Variants in ARHGAP28 observed in about 807,000 individuals in gnomAD.
ARHGAP28 encodes Rho GTPase activating protein 28.
In ARHGAP28, 56 loss-of-function variants were observed where a neutral mutation model predicts 90.7. The observed-to-expected ratio is 0.62, with a 90% CI of 0.50 to 0.77. The LOEUF (loss-of-function observed/expected upper bound fraction) is 0.77. Among genes scored for constraint, ARHGAP28 ranks in the 30% least tolerant of loss-of-function variants. The pLI is 0.00. For missense variants in ARHGAP28, 869 were observed against 900.9 expected, an observed-to-expected ratio of 0.96 and a Z score of 0.45; for synonymous variants, 308 against 323.3, an observed-to-expected ratio of 0.95 and a Z score of 0.51.
rs1307386459 is a variant in ARHGAP28, at chr18:6,914,373, T to A, written c.*2219T>A. ...AACTTTCAACTTCCATACGTATATA[T>A]GTATGTATGGAAGGCCATGTCAATA... is the stretch of plus-strand genomic sequence containing the variant. On this transcript the variant is annotated 3_prime_UTR_variant, in exon 18 of 18. Transcript: ENST00000383472. The A allele has an allele frequency of 6.6e-6, 1 of 152,190 alleles. No homozygotes were observed. Among genetic ancestry groups the A allele is most frequent in the Non-Finnish European group, 1.5e-5 (1 of 68,020 alleles). The allele number at this position is 152,190 out of a possible 1,614,324, so 9.4% of individuals were successfully genotyped here.
chr18:6,783,264 C>T (rs1201779448), intron 1 of ARHGAP28, among the ~76,000 whole-genome samples: 2 of 151,952 alleles, frequency 1.3e-5, no homozygotes, highest in Non-Finnish European at 2.9e-5. Context: ...TGTCGCCCCC[C>T]TCGAGAAGTC....
At chr18:6,902,707 G>C (rs1245745497) in intron 16 of ARHGAP28, among the ~76,000 whole-genome samples, 1 of 152,142 alleles carries the variant, frequency 6.6e-6, no homozygotes, top group Non-Finnish European at 1.5e-5. Flanking sequence ...GTGCACCACT[G>C]GTGGGAAGTG....
chr18:6,841,208 C>CCTCTCTCTCTCTCT lies in ARHGAP28; in HGVS notation c.543+3796_543+3809dup, dbSNP rs369622522. On this transcript the variant is annotated intron_variant, in intron 3 of 17. Transcript: ENST00000383472. ...CTCTCTCTCTCTCTCTCTCTCCTCT[C>CCTCTCTCTCTCTCT]CTCTCTCTCTCTCTCCCCCCAACCC... Among the ~76,000 whole-genome samples, 312 of 43,108 alleles carry CCTCTCTCTCTCTCT rather than the reference C, an allele frequency of 7.2e-3. 5 individuals are homozygous for CCTCTCTCTCTCTCT. The highest frequency in any genetic ancestry group is 0.017 in the Admixed American group (58 of 3,486). 28.3% of individuals were successfully genotyped at this position (43,108 alleles called of 152,430 possible).
In ARHGAP28 at chr18:6,870,690, A is replaced by G. The variant is rs567296702; in HGVS notation, c.912A>G (p.Lys304=). The G allele has an allele frequency of 3.7e-6, 6 of 1,611,654 alleles. No homozygotes were observed. In the South Asian group the frequency reaches 6.6e-5, roughly 18 times the overall value. The change falls in exon 7 of 18, where the codon AAA becomes AAG. Residue 304 remains lysine, a synonymous_variant. Transcript: ENST00000383472. ...EMVTEALKRN[K]LKKSEIKKED... is the part of the protein sequence containing the mutation. ...TTACGGAGGCTCTAAAAAGAAATAA[A>G]CTTAAGAAATCAGAGATTAAGAAAG...
intron 9 of ARHGAP28, 70 bp from the exon 10 acceptor site, chr18:6,876,061 A>G (rs1286325345): frequency 5.7e-6 from 7 of 1,219,430 alleles, no homozygotes; most frequent in South Asian, 4.9e-5. Flanking sequence ...TCATGTCATC[A>G]TTGTTACTGT....
At chr18:6,827,289 C>T (rs1471885401) in intron 2 of ARHGAP28, among the ~76,000 whole-genome samples, 4 of 150,246 alleles carry the variant, frequency 2.7e-5, no homozygotes, top group East Asian at 4.0e-4. Context: ...CCTCACCTCC[C>T]GGACGGGGCG....
intron 4 of ARHGAP28, among the ~76,000 whole-genome samples, chr18:6,859,155 G>T (rs1402430476): frequency 6.6e-6 from 1 of 152,044 alleles, no homozygotes; most frequent in Non-Finnish European, 1.5e-5. Context: ...AACAGTCATA[G>T]AATCTGCTAA....
At position 6,824,936 on chromosome 18, in the gene ARHGAP28, A is replaced by G. The variant is rs1267624857; in HGVS notation, c.297A>G (p.Pro99=). The change falls in exon 2 of 18, where the codon CCA becomes CCG. Residue 99 remains proline, a synonymous_variant. Coordinates refer to ENST00000383472, the MANE Select transcript of ARHGAP28 (RefSeq NM_001366230.1). ...GCAGCATGGGAGGGCAAGAAGAGCC[A>G]CCGCCAGCTGAGGTCACACCTGTGG... ...KDSSMGGQEE[P]PPAEVTPVDE... is the part of the protein sequence containing the mutation. 5.9e-6 allele frequency: 9 copies of G among 1,535,680 alleles called. No homozygotes were observed. The highest frequency in any genetic ancestry group is 7.8e-6 in the Non-Finnish European group (9 of 1,146,740).
rs531029517 is a variant in ARHGAP28, at chr18:6,851,249, A to C, written c.636+123A>C. On this transcript the variant is annotated intron_variant, in intron 4 of 17. Coordinates refer to ENST00000383472, the MANE Select transcript of ARHGAP28 (RefSeq NM_001366230.1). ...TGGCTGGACAACCACAGATTTCAAC[A>C]CACTTATCTACCTTAGGTGATTTTT... 368 of 804,448 alleles carry C rather than the reference A, an allele frequency of 4.6e-4. 3 individuals carry two copies. The highest frequency in any genetic ancestry group is 1.8e-3 in the Middle Eastern group (7 of 3,932). The allele number at this position is 804,448 out of a possible 1,614,324, so 49.8% of individuals were successfully genotyped here. A position where few individuals can be genotyped will look rare whatever the true frequency, so the allele number is the denominator to read the frequency against.
intron 1 of ARHGAP28, chr18:6,730,208 G>A (rs1291815938): frequency 2.1e-5 from 4 of 187,640 alleles, no homozygotes; most frequent in Non-Finnish European, 3.5e-5. Context: ...TACGATTTGA[G>A]GATAAGTCAT....
At chr18:6,795,485 T>A (rs1600191088) in intron 1 of ARHGAP28, among the ~76,000 whole-genome samples, 1 of 152,200 alleles carries the variant, frequency 6.6e-6, no homozygotes, top group African/African-American at 2.4e-5. Context: ...GACCAGGGAT[T>A]GGCAAACTTT....
At chr18:6,908,262 T>G (rs2057375078) in intron 16 of ARHGAP28, among the ~76,000 whole-genome samples, 1 of 152,026 alleles carries the variant, frequency 6.6e-6, no homozygotes, top group South Asian at 2.1e-4. Context: ...CTCGGCCTCC[T>G]GGGTAGCTGG....
intron 1 of ARHGAP28, among the ~76,000 whole-genome samples, chr18:6,749,396 CT>C (rs779798813): frequency 2.0e-5 from 3 of 152,144 alleles, no homozygotes; most frequent in Non-Finnish European, 2.9e-5. Flanking sequence ...GTTTTATAGT[CT>C]GCTTTGATTG....
intron 1 of ARHGAP28, among the ~76,000 whole-genome samples, chr18:6,777,767 T>C (rs2056296354): frequency 6.6e-6 from 1 of 152,084 alleles, no homozygotes. Flanking sequence ...AATGAATGAA[T>C]GAATAAAACA....
chr18:6,839,938 A>G (rs192594335), intron 3 of ARHGAP28, among the ~76,000 whole-genome samples: 11 of 152,324 alleles, frequency 7.2e-5, no homozygotes, highest in Admixed American at 1.3e-4. Flanking sequence ...AATGAAGAGC[A>G]ACTCTCCTTC....
At chr18:6,853,134 TTG>T (rs1410254257) in intron 4 of ARHGAP28, among the ~76,000 whole-genome samples, 1 of 152,118 alleles carries the variant, frequency 6.6e-6, no homozygotes, top group African/African-American at 2.4e-5. Context: ...CATGCTCAGG[TTG>T]TGTGACCTTC....
chr18:6,789,114 T>C (rs2056387661), intron 1 of ARHGAP28: 1 of 152,136 alleles, frequency 6.6e-6, no homozygotes, highest in South Asian at 2.1e-4. Context: ...CCAGTGAAGG[T>C]AGCAAGGTCT....
chr18:6,889,065 C>T (rs906149557), intron 12 of ARHGAP28, among the ~76,000 whole-genome samples: 1 of 152,118 alleles, frequency 6.6e-6, no homozygotes, highest in South Asian at 2.1e-4. Flanking sequence ...CTAAGAGTAA[C>T]GCCTGGCTCA....
At chr18:6,785,888 A>G (rs1895152860) in intron 1 of ARHGAP28, among the ~76,000 whole-genome samples, 1 of 152,248 alleles carries the variant, frequency 6.6e-6, no homozygotes, top group Non-Finnish European at 1.5e-5. Context: ...AAAAGGAAAT[A>G]GGTCAGAGTA....
Sources: gnomAD v4.1 joint callset for allele counts (sites outside exome capture counted in the v4.1 genomes callset) on GRCh38, gnomAD v4.1.1 for gene constraint, MANE v1.5 for transcripts, NCBI Gene and HGNC (gene_info 2026-07-23, HGNC 2026-07-21) for gene names.